Variants in KCNQ3 observed in about 807,000 individuals in gnomAD.
The protein encoded by KCNQ3 is potassium voltage-gated channel subfamily KQT member 3.
Under a neutral mutation model 92.5 loss-of-function variants are expected in KCNQ3, and 30 were observed. That is an observed-to-expected ratio of 0.32 (90% CI 0.24 to 0.44). The LOEUF (loss-of-function observed/expected upper bound fraction) is 0.44. KCNQ3 is among the 20% of genes least tolerant of loss of function. The probability of loss-of-function intolerance (pLI) is 1.00; values close to 1 mark genes in which losing one functional copy is unlikely to be tolerated. For missense variants in KCNQ3, 913 were observed against 1,140.3 expected (o/e 0.80, Z 2.87); for synonymous variants, 450 against 468.8 (o/e 0.96, Z 0.52).
chr8:132,384,485 A>G (rs932767389), intron 1 of KCNQ3, among the ~76,000 whole-genome samples: 1 of 152,224 alleles, frequency 6.6e-6, no homozygotes, highest in African/African-American at 2.4e-5. Context: ...AAAGAATCAG[A>G]GGGCCCTAAA....
chr8:132,255,867 T>G (rs575982414), intron 1 of KCNQ3, among the ~76,000 whole-genome samples: 17 of 152,306 alleles, frequency 1.1e-4, no homozygotes, highest in African/African-American at 4.1e-4. Context: ...CAACGAACCC[T>G]GGGGGATCTA....
intron 1 of KCNQ3, among the ~76,000 whole-genome samples, chr8:132,357,078 C>G (rs1219841533): frequency 6.6e-6 from 1 of 152,152 alleles, no homozygotes; most frequent in African/African-American, 2.4e-5. Context: ...GTCACTTGCC[C>G]AGGGAGGACC....
chr8:132,387,987 GGAAGAGGAAGAA>G (rs773214421), intron 1 of KCNQ3, among the ~76,000 whole-genome samples: 27 of 141,966 alleles, frequency 1.9e-4, no homozygotes, highest in African/African-American at 7.3e-4. Context: ...AAGAGGAAGA[GGAAGAGGAAGAA>G]GAAGAAGAGG....
chr8:132,229,317 C>T (rs1291835728), intron 1 of KCNQ3, among the ~76,000 whole-genome samples: 11 of 151,664 alleles, frequency 7.3e-5, no homozygotes, highest in Admixed American at 7.2e-4. Flanking sequence ...AAGGTGGTAC[C>T]AGTGCAGTTT....
At chr8:132,303,787 AAAT>A (rs1341346913) in intron 1 of KCNQ3, among the ~76,000 whole-genome samples, 11 of 148,270 alleles carry the variant, frequency 7.4e-5, no homozygotes, top group Non-Finnish European at 1.2e-4. Context: ...ATATTGCATA[AAAT>A]ATTACATGTG....
chr8:132,392,879 G>A (rs1425654162), intron 1 of KCNQ3, among the ~76,000 whole-genome samples: 2 of 149,424 alleles, frequency 1.3e-5, no homozygotes, highest in African/African-American at 4.9e-5. Flanking sequence ...TTAGTCCACA[G>A]CACTTTTCAT....
At position 132,184,228 on chromosome 8, in the gene KCNQ3, G is replaced by C; in HGVS notation, c.604+13C>G. The C allele has an allele frequency of 6.2e-7, 1 of 1,614,080 alleles. No homozygotes were observed. The highest frequency in any genetic ancestry group is 8.5e-7 in the Non-Finnish European group (1 of 1,179,992). On this transcript the variant is annotated intron_variant, in intron 3 of 14. Coordinates refer to ENST00000388996, the MANE Select transcript of KCNQ3 (RefSeq NM_004519.4). ...GAACTGAGGAGGCTGGGAGGCTCAGGGTCAGGACTTACCCAACATGCACAG... is the reference window on the plus strand; with the variant it reads ...GAACTGAGGAGGCTGGGAGGCTCAGCGTCAGGACTTACCCAACATGCACAG...
intron 1 of KCNQ3, among the ~76,000 whole-genome samples, chr8:132,477,519 A>T (rs117780325): frequency 0.014 from 2,104 of 152,318 alleles, 21 homozygotes; most frequent in Admixed American, 0.02. Flanking sequence ...TGTTCACTTG[A>T]CTGGACTGTC....
chr8:132,223,036 T>A (rs1197727296), intron 1 of KCNQ3, among the ~76,000 whole-genome samples: 1 of 152,148 alleles, frequency 6.6e-6, no homozygotes, highest in African/African-American at 2.4e-5. Flanking sequence ...AAGGCTACAG[T>A]GTGGGTGGAA....
At chr8:132,444,215 T>C (rs973172144) in intron 1 of KCNQ3, among the ~76,000 whole-genome samples, 46 of 152,128 alleles carry the variant, frequency 3.0e-4, no homozygotes, top group African/African-American at 1.1e-3. Flanking sequence ...ATTTATCTCA[T>C]GTGATTTAGC....
At chr8:132,445,386 C>T (rs1025110195) in intron 1 of KCNQ3, among the ~76,000 whole-genome samples, 2 of 152,310 alleles carry the variant, frequency 1.3e-5, no homozygotes, top group South Asian at 2.1e-4. Context: ...TTTCCCGCCT[C>T]TCTCCTCCAG....
intron 1 of KCNQ3, among the ~76,000 whole-genome samples, chr8:132,318,320 C>G (rs776143691): frequency 6.6e-6 from 1 of 152,204 alleles, no homozygotes; most frequent in Non-Finnish European, 1.5e-5. Flanking sequence ...GGGTATCTGA[C>G]CAACTGACAT....
intron 9 of KCNQ3, among the ~76,000 whole-genome samples, chr8:132,154,214 T>TTTTTTTTTTTTTTTTTTTTTTTTTTTTTC (rs1825735823): frequency 7.2e-6 from 1 of 138,932 alleles, no homozygotes; most frequent in African/African-American, 3.0e-5. Flanking sequence ...TTTTTTTTTT[T>TTTTTTTTTTTTTTTTTTTTTTTTTTTTTC]TTTTTTTTTA....
chr8:132,140,278 A>C, intron 10 of KCNQ3, 100 bp from the exon 11 acceptor site: 1 of 753,958 alleles, frequency 1.3e-6, no homozygotes, highest in Non-Finnish European at 2.3e-6. Flanking sequence ...TGGATGTGTC[A>C]ATCCCCAGAG....
At chr8:132,296,504 G>T (rs147536235) in intron 1 of KCNQ3, among the ~76,000 whole-genome samples, 191 of 152,078 alleles carry the variant, frequency 1.3e-3, no homozygotes, top group Middle Eastern at 6.8e-3. Flanking sequence ...CTCGTCTTTA[G>T]CGTTAGGTAT....
chr8:132,148,598 G>A (rs769660276), intron 9 of KCNQ3, among the ~76,000 whole-genome samples: 2 of 152,238 alleles, frequency 1.3e-5, no homozygotes, highest in Admixed American at 6.5e-5. Flanking sequence ...TTCTGGATGT[G>A]TCTGTGAGGG....
At chr8:132,296,649 T>C (rs1267043024) in intron 1 of KCNQ3, among the ~76,000 whole-genome samples, 1 of 152,150 alleles carries the variant, frequency 6.6e-6, no homozygotes, top group Non-Finnish European at 1.5e-5. Flanking sequence ...GTTTGGTTTT[T>C]TGTCCTTGTG....
chr8:132,364,023 T>C (rs1376004212), intron 1 of KCNQ3, among the ~76,000 whole-genome samples: 1 of 152,030 alleles, frequency 6.6e-6, no homozygotes, highest in Non-Finnish European at 1.5e-5. Context: ...GCAGCATAAT[T>C]TACCTCTTCA....
At chr8:132,303,348 C>T (rs1187974965) in intron 1 of KCNQ3, among the ~76,000 whole-genome samples, 1 of 151,454 alleles carries the variant, frequency 6.6e-6, no homozygotes, top group African/African-American at 2.4e-5. Flanking sequence ...AAAATGTATA[C>T]AACTAAATGA....
Sources: allele counts gnomAD v4.1 joint callset (sites outside exome capture counted in the v4.1 genomes callset), GRCh38; gene constraint gnomAD v4.1.1; transcripts MANE v1.5; gene names NCBI Gene and HGNC (gene_info 2026-07-23, HGNC 2026-07-21).